C12orf42: variants seen among roughly 807,000 people sequenced by gnomAD.
C12orf42 encodes uncharacterized protein C12orf42.
Under a neutral mutation model 21.6 loss-of-function variants are expected in C12orf42, and 25 were observed. The observed-to-expected ratio is 1.16, with a 90% CI of 0.84 to 1.62. The LOEUF is 1.62. Among genes scored for constraint, C12orf42 ranks in the 40% most tolerant of loss-of-function variants. The pLI is 0.00. For synonymous variants in C12orf42, 174 were observed against 175.0 expected (o/e 0.99, Z 0.05); for missense variants, 483 against 459.3 (o/e 1.05, Z -0.47).
At chr12:103,086,211 T>G in the C12orf42 span, among the ~76,000 whole-genome samples, 1 of 152,004 alleles carries the variant, frequency 6.6e-6, no homozygotes, top group Non-Finnish European at 1.5e-5. Flanking sequence ...AACAAAACAA[T>G]CAGAGAATTA....
At chr12:103,536,381 G>C in the C12orf42 span, among the ~76,000 whole-genome samples, 1 of 152,114 alleles carries the variant, frequency 6.6e-6, no homozygotes, top group Non-Finnish European at 1.5e-5. Context: ...GTCGATCTCA[G>C]GAAACAGAAC....
the C12orf42 span, among the ~76,000 whole-genome samples, chr12:103,068,418 T>C: frequency 6.6e-6 from 1 of 152,178 alleles, no homozygotes; most frequent in Non-Finnish European, 1.5e-5. Context: ...TTATTGTCTT[T>C]ACTTGAAGAT....
At chr12:103,192,728 G>A in the C12orf42 span, among the ~76,000 whole-genome samples, 19 of 152,126 alleles carry the variant, frequency 1.2e-4, no homozygotes, top group African/African-American at 4.3e-4. Context: ...CAGCATCAGA[G>A]CACCTAAGTA....
chr12:103,104,642 T>C, the C12orf42 span, among the ~76,000 whole-genome samples: 2 of 152,220 alleles, frequency 1.3e-5, no homozygotes, highest in Non-Finnish European at 2.9e-5. Flanking sequence ...GTTTTCACCA[T>C]GTTGGCCGGG....
chr12:103,355,595 G>A (rs1030836351), intron 4 of C12orf42, among the ~76,000 whole-genome samples: 4 of 152,004 alleles, frequency 2.6e-5, no homozygotes, highest in Admixed American at 2.6e-4. Context: ...TATAGCCAAG[G>A]AGATGAACCC....
At chr12:103,255,900 A>G (rs2034541695) in intron 10 of C12orf42, among the ~76,000 whole-genome samples, 1 of 150,234 alleles carries the variant, frequency 6.7e-6, no homozygotes, top group Non-Finnish European at 1.5e-5. Flanking sequence ...AAATACAAAA[A>G]AAATTAGCCG....
At chr12:103,508,758 G>C in the C12orf42 span, among the ~76,000 whole-genome samples, 2 of 152,192 alleles carry the variant, frequency 1.3e-5, no homozygotes. Flanking sequence ...AAGCAAAGGA[G>C]ACAGAAACAC....
chr12:103,232,842 A>C (rs2033344720), downstream of C12orf42, among the ~76,000 whole-genome samples: 1 of 152,164 alleles, frequency 6.6e-6, no homozygotes, highest in Non-Finnish European at 1.5e-5. Context: ...AAACATTTGA[A>C]TGTCCAGTTG....
chr12:103,243,322 T>A (rs1593196058), intron 10 of C12orf42, among the ~76,000 whole-genome samples: 2 of 152,136 alleles, frequency 1.3e-5, no homozygotes. Context: ...CCACTGTCCC[T>A]GGCCAGAAAA....
At chr12:103,294,470 G>GC (rs1566025459) in intron 4 of C12orf42, among the ~76,000 whole-genome samples, 6 of 101,914 alleles carry the variant, frequency 5.9e-5, no homozygotes, top group African/African-American at 2.8e-4. Flanking sequence ...AAGAAAGAAA[G>GC]AAATAAGCAA....
chr12:103,440,921 A>T (rs964116338), intron 2 of C12orf42, among the ~76,000 whole-genome samples: 1 of 152,246 alleles, frequency 6.6e-6, no homozygotes. Flanking sequence ...AGAGTACACA[A>T]GAATTGCTTC....
chr12:103,373,872 A>C (rs2045472102), intron 3 of C12orf42, among the ~76,000 whole-genome samples: 1 of 152,224 alleles, frequency 6.6e-6, no homozygotes, highest in Non-Finnish European at 1.5e-5. Context: ...TACAAATCCA[A>C]GTGTCTAAAT....
chr12:103,118,772 T>TAAAAAAAAAAAAAAAA, the C12orf42 span, among the ~76,000 whole-genome samples: 2 of 41,658 alleles, frequency 4.8e-5, no homozygotes, highest in African/African-American at 1.8e-4. Context: ...CACTCCAGCC[T>TAAAAAAAAAAAAAAAA]AAAAAAAAAA....
chr12:103,086,363 T>C, the C12orf42 span, among the ~76,000 whole-genome samples: 3 of 151,574 alleles, frequency 2.0e-5, no homozygotes, highest in African/African-American at 7.3e-5. Context: ...TATTTTGTTC[T>C]GGTTTAAGAT....
chr12:103,528,931 G>A, the C12orf42 span, among the ~76,000 whole-genome samples: 4 of 152,156 alleles, frequency 2.6e-5, no homozygotes, highest in Non-Finnish European at 5.9e-5. Flanking sequence ...GAGAATTTCA[G>A]AAACATGTTC....
Position 103,305,964 on chromosome 12 carries a change from T to C in C12orf42, c.631+10A>G. 3 of 1,595,676 alleles carry C rather than the reference T, an allele frequency of 1.9e-6. No individual in the cohort carries two copies. Among genetic ancestry groups the C allele is most frequent in the South Asian group, 2.2e-5 (2 of 89,792 alleles). On this transcript the variant is annotated intron_variant, in intron 5 of 5. Coordinates refer to ENST00000548883, the MANE Select transcript of C12orf42 (RefSeq NM_198521.5). The stretch of plus-strand genomic sequence containing the variant: ...ACAAGAAGAGTCAGTAACCACAACA[T>C]GATACTTACCAGAATTTTTCTTGGG...
chr12:103,336,109 A>G (rs2041668200), intron 4 of C12orf42, among the ~76,000 whole-genome samples: 1 of 152,210 alleles, frequency 6.6e-6, no homozygotes, highest in Admixed American at 6.5e-5. Context: ...ATTATATGAG[A>G]CTACCCTAGG....
intron 2 of C12orf42, among the ~76,000 whole-genome samples, chr12:103,419,609 C>T (rs2049685686): frequency 6.6e-6 from 1 of 152,092 alleles, no homozygotes; most frequent in Non-Finnish European, 1.5e-5. Flanking sequence ...ACAGAGTCCC[C>T]CATGCTGGAC....
chr12:103,112,361 T>C, the C12orf42 span, among the ~76,000 whole-genome samples: 1 of 152,206 alleles, frequency 6.6e-6, no homozygotes, highest in East Asian at 1.9e-4. Context: ...TATTCCCTGA[T>C]TTAACTACTT....
Sources: gnomAD v4.1 joint callset for allele counts (sites outside exome capture counted in the v4.1 genomes callset) on GRCh38, gnomAD v4.1.1 for gene constraint, MANE v1.5 for transcripts, NCBI Gene and HGNC (gene_info 2026-07-23, HGNC 2026-07-21) for gene names.